TRAK1: variants seen among roughly 807,000 people sequenced by gnomAD.
The protein encoded by TRAK1 is trafficking kinesin protein 1, also known as trafficking kinesin-binding protein 1.
Under a neutral mutation model 92.1 loss-of-function variants are expected in TRAK1, and 33 were observed. The ratio of observed to expected loss-of-function variants is 0.36; its 90% CI spans 0.27 to 0.48. TRAK1 has a LOEUF of 0.48. TRAK1 is among the 20% of genes least tolerant of loss of function. The pLI is 0.99. For synonymous variants in TRAK1, 521 were observed against 517.3 expected (o/e 1.01, Z -0.10); for missense variants, 1,123 against 1,257.9 (o/e 0.89, Z 1.62).
intron 1 of TRAK1, among the ~76,000 whole-genome samples, chr3:42,093,385 C>A (rs1039471776): frequency 1.3e-5 from 2 of 151,892 alleles, no homozygotes; most frequent in Admixed American, 1.3e-4. Flanking sequence ...GATTTGGGGG[C>A]CACCAGCTAA....
intron 2 of TRAK1, among the ~76,000 whole-genome samples, chr3:42,156,502 A>G (rs1700553322): frequency 6.6e-6 from 1 of 152,364 alleles, no homozygotes. Flanking sequence ...ATCAAAATAA[A>G]TAATAGTAGT....
upstream of TRAK1, chr3:42,091,226 G>A (rs954246352): frequency 4.3e-5 from 21 of 485,366 alleles, no homozygotes; most frequent in Non-Finnish European, 6.8e-5. Flanking sequence ...ACATTTTTGG[G>A]TGCGTCATTT....
chr3:42,122,911 A>AAGTCCCAGCAGTGAGATAGAGT (rs1370792128), intron 1 of TRAK1, among the ~76,000 whole-genome samples: 1 of 152,174 alleles, frequency 6.6e-6, no homozygotes, highest in Non-Finnish European at 1.5e-5. Flanking sequence ...TGAGGCAGAG[A>AAGTCCCAGCAGTGAGATAGAGT]AGTCCCAGCA....
intron 2 of TRAK1, among the ~76,000 whole-genome samples, chr3:42,138,053 C>T (rs1337653376): frequency 6.6e-6 from 1 of 152,112 alleles, no homozygotes; most frequent in Admixed American, 6.6e-5. Flanking sequence ...GCAAAATAGG[C>T]ATTAAGAGAA....
In TRAK1 at chr3:42,223,576, G is replaced by A. The variant is rs755443460; in HGVS notation, c.2701G>A (p.Val901Ile). 1 of 1,613,962 alleles carries A rather than the reference G, an allele frequency of 6.2e-7. No individual in the cohort carries two copies. ...PEGLPLRCPT[V>I]TSAIGGLQLN... ...GGGCCTGCCCCTCAGATGCCCCACTGTCACCAGTGCCATCGGTGGGCTGCA... is the reference window on the plus strand; with the variant it reads ...GGGCCTGCCCCTCAGATGCCCCACTATCACCAGTGCCATCGGTGGGCTGCA... Residue 901 changes from valine (V) to isoleucine (I), a missense_variant, in exon 16 of 16, where the codon GTC (valine) becomes ATC (isoleucine). Coordinates refer to ENST00000327628, the MANE Select transcript of TRAK1 (RefSeq NM_001042646.3). The surrounding 1 kb of genome is among the most constrained non-coding windows in gnomAD (Gnocchi z 6.1).
rs1055281423 is a variant in TRAK1 at position 42,125,473 on chromosome 3, G to A, written c.145G>A (p.Glu49Lys). The A allele has an allele frequency of 6.2e-7, 1 of 1,614,196 alleles. No homozygotes were observed. The highest frequency in any genetic ancestry group is 1.3e-5 in the African/African-American group (1 of 75,064). ...PEVEIISLLE[E>K]QLPHYKLRAD... ...AGTCGAGATCATTAGCCTGCTGGAG[G>A]AGCAGCTGCCCCATTATAAGTTAAG... The change falls in exon 2 of 16, where the codon GAG (glutamate) becomes AAG (lysine). Residue 49 changes from glutamate to lysine, a missense_variant. Transcript: ENST00000327628.
At chr3:42,141,169 A>G (rs1296773910) in intron 2 of TRAK1, among the ~76,000 whole-genome samples, 4 of 152,218 alleles carry the variant, frequency 2.6e-5, no homozygotes, top group East Asian at 1.9e-4. Context: ...AAATATTCAT[A>G]TACTCACCCA....
chr3:42,151,453 A>G (rs1401486945), intron 2 of TRAK1: 1 of 435,382 alleles, frequency 2.3e-6, no homozygotes, highest in Non-Finnish European at 4.5e-6. Flanking sequence ...TGATTTATTT[A>G]TTTCTGAATT....
intron 1 of TRAK1, among the ~76,000 whole-genome samples, chr3:42,042,872 A>C (rs1702603162): frequency 6.6e-6 from 1 of 152,118 alleles, no homozygotes; most frequent in African/African-American, 2.4e-5. Flanking sequence ...CTCTGATTAC[A>C]TTCTCTAATA....
At chr3:42,142,284 G>A (rs9852262) in intron 2 of TRAK1, among the ~76,000 whole-genome samples, 1 of 152,028 alleles carries the variant, frequency 6.6e-6, no homozygotes, top group Non-Finnish European at 1.5e-5. Flanking sequence ...TATCTTTGGC[G>A]ACTTGTGGTT....
chr3:42,215,007 C>G (rs748965502), intron 14 of TRAK1, among the ~76,000 whole-genome samples: 14 of 152,214 alleles, frequency 9.2e-5, no homozygotes, highest in Non-Finnish European at 1.0e-4. Context: ...CGACTCCTCA[C>G]CTCCAGAGAA....
chr3:42,085,487 A>G (rs1704628021), upstream of TRAK1, among the ~76,000 whole-genome samples: 1 of 151,828 alleles, frequency 6.6e-6, no homozygotes, highest in East Asian at 1.9e-4. Context: ...AAAATTTGAA[A>G]CTCTTCTGTT....
chr3:42,076,644 C>T (rs897411576), intron 1 of TRAK1, among the ~76,000 whole-genome samples: 1 of 152,142 alleles, frequency 6.6e-6, no homozygotes, highest in Non-Finnish European at 1.5e-5. Flanking sequence ...TTAGATCCCA[C>T]TTACCAATTT....
At chr3:42,149,473 A>G (rs775638272) in intron 2 of TRAK1, 367 of 1,535,202 alleles carry the variant, frequency 2.4e-4, no homozygotes, top group Non-Finnish European at 3.1e-4. Context: ...GAGGCATGGC[A>G]GCGTTTTACT....
In TRAK1 at chr3:42,209,895, C is replaced by G. The variant is rs759977737; in HGVS notation, c.1873C>G (p.Leu625Val). 3.7e-6 allele frequency: 6 copies of G among 1,614,200 alleles called. No homozygotes were observed. The South Asian group carries it at 5.5e-5, about 15-fold the overall frequency. ...LDVDLDEVYC[L>V]NDFEEDDTGD... ...TGTTGACCTGGACGAAGTGTACTGC[C>G]TTAACGACTTTGAAGAAGATGACAC... Residue 625 changes from leucine (L) to valine (V), a missense_variant, in exon 14 of 16, where the codon CTT becomes GTT. Physicochemically the swap from Leu to Val is conservative, Grantham distance 32 (BLOSUM62 1). Coordinates refer to ENST00000327628, the MANE Select transcript of TRAK1 (RefSeq NM_001042646.3).
upstream of TRAK1, among the ~76,000 whole-genome samples, chr3:42,084,814 T>TTC (rs1553710819): frequency 7.3e-5 from 11 of 151,520 alleles, no homozygotes; most frequent in African/African-American, 2.4e-4. Context: ...TTTTTTTTTT[T>TTC]CCTTATGCCA....
chr3:42,078,100 G>A (rs893758182), intron 1 of TRAK1, among the ~76,000 whole-genome samples: 4 of 152,186 alleles, frequency 2.6e-5, no homozygotes, highest in African/African-American at 7.2e-5. Flanking sequence ...AGGCCTGTCT[G>A]GTATGTTAGA....
rs1371187711 is a variant in TRAK1 at position 42,149,516 on chromosome 3, C to A, written c.286+23902C>A. ...GATGGTGCTGTGAAGTCCATTCTTT[C>A]CTCTGCAAGACTACTGACTATGCAG... is the stretch of plus-strand genomic sequence containing the variant. On this transcript the variant is annotated intron_variant, in intron 2 of 15. Coordinates refer to ENST00000327628, the MANE Select transcript of TRAK1 (RefSeq NM_001042646.3). 2.6e-6 allele frequency: 4 copies of A among 1,536,014 alleles called. No homozygotes were observed. In the African/African-American group the frequency reaches 4.1e-5, roughly 16 times the overall value.
chr3:42,159,154 C>T (rs1171147787), intron 2 of TRAK1, among the ~76,000 whole-genome samples: 3 of 152,022 alleles, frequency 2.0e-5, no homozygotes, highest in Non-Finnish European at 2.9e-5. Flanking sequence ...GCAGAATTCT[C>T]GGCCCTAAGG....
Sources: gnomAD v4.1 joint callset for allele counts (sites outside exome capture counted in the v4.1 genomes callset) on GRCh38, gnomAD v4.1.1 for gene constraint, Gnocchi (gnomAD v3.1) non-coding constraint, MANE v1.5 for transcripts, NCBI Gene and HGNC (gene_info 2026-07-23, HGNC 2026-07-21) for gene names.